Variants in LIN52 observed in about 807,000 individuals in gnomAD.
The protein encoded by LIN52 is protein lin-52 homolog.
A neutral mutation model predicts 18.5 loss-of-function variants in LIN52; 4 were observed. The ratio of observed to expected loss-of-function variants is 0.22; its 90% CI spans 0.11 to 0.49. The LOEUF (loss-of-function observed/expected upper bound fraction) is 0.49. Ranked by LOEUF, LIN52 falls within the 20% of genes least tolerant of loss-of-function variation. LIN52 has a pLI of 0.97. For missense variants in LIN52, 102 were observed against 139.5 expected, an observed-to-expected ratio of 0.73 and a Z score of 1.35; for synonymous variants, 34 against 45.5, an observed-to-expected ratio of 0.75 and a Z score of 1.02.
chr14:74,198,179 C>G (rs1259578426), intron 5 of LIN52, among the ~76,000 whole-genome samples: 1 of 152,206 alleles, frequency 6.6e-6, no homozygotes, highest in Non-Finnish European at 1.5e-5. Context: ...TGGGAGACCT[C>G]TGGAGTAGCC....
intron 5 of LIN52, among the ~76,000 whole-genome samples, chr14:74,111,883 C>CT (rs869141601): frequency 3.6e-5 from 5 of 137,846 alleles, no homozygotes; most frequent in East Asian, 4.1e-4. Context: ...TTCTTTTTTT[C>CT]TTTTTTTTTG....
At chr14:74,131,776 T>C (rs948798785) in intron 5 of LIN52, among the ~76,000 whole-genome samples, 2 of 152,242 alleles carry the variant, frequency 1.3e-5, no homozygotes, top group East Asian at 3.8e-4. Context: ...TCCTTGTCTG[T>C]TTTTCTGTTG....
intron 5 of LIN52, among the ~76,000 whole-genome samples, chr14:74,139,362 G>C (rs1345431975): frequency 6.6e-6 from 1 of 152,182 alleles, no homozygotes; most frequent in African/African-American, 2.4e-5. Flanking sequence ...AGAGCAGTGG[G>C]GTCAGTAGAA....
chr14:74,195,887 TG>T (rs1300392042), intron 5 of LIN52, among the ~76,000 whole-genome samples: 1 of 152,158 alleles, frequency 6.6e-6, no homozygotes, highest in Non-Finnish European at 1.5e-5. Context: ...TAATCAGAAA[TG>T]TTAACATCTC....
At chr14:74,095,914 T>G (rs766137979) in intron 2 of LIN52, 34 bp from the exon 3 acceptor site, 1 of 1,469,098 alleles carries the variant, frequency 6.8e-7, no homozygotes, top group Non-Finnish European at 9.5e-7. Flanking sequence ...CAATCATACT[T>G]ATTGAATAAA....
At chr14:74,178,151 A>T (rs1048619671) in intron 5 of LIN52, among the ~76,000 whole-genome samples, 2 of 152,222 alleles carry the variant, frequency 1.3e-5, no homozygotes, top group Admixed American at 6.5e-5. Context: ...TGCGAGAAAG[A>T]ATCTATACAC....
intron 5 of LIN52, among the ~76,000 whole-genome samples, chr14:74,153,527 T>G (rs1373991043): frequency 6.6e-6 from 1 of 151,894 alleles, no homozygotes; most frequent in Non-Finnish European, 1.5e-5. Context: ...ATTCCAAAAA[T>G]ATTGTTTTTA....
At chr14:74,089,041 T>A (rs186609802) in intron 1 of LIN52, among the ~76,000 whole-genome samples, 44 of 152,274 alleles carry the variant, frequency 2.9e-4, no homozygotes, top group African/African-American at 1.0e-3. Context: ...AAATCAATTC[T>A]GGCCTCTTTA....
chr14:74,099,763 C>T (rs1247911452), intron 4 of LIN52, among the ~76,000 whole-genome samples: 1 of 152,014 alleles, frequency 6.6e-6, no homozygotes, highest in Non-Finnish European at 1.5e-5. Context: ...GGAGTCAAAG[C>T]TGTCCTCTTG....
At position 74,199,030 on chromosome 14, in the gene LIN52, G is replaced by A. The variant is rs1346314202; in HGVS notation, c.*53G>A. The A allele has an allele frequency of 2.3e-6, 3 of 1,294,110 alleles. No homozygotes were observed. Among genetic ancestry groups the A allele is most frequent in the Non-Finnish European group, 3.4e-6 (3 of 891,416 alleles). The allele number at this position is 1,294,110 out of a possible 1,614,324, so 80.2% of individuals were successfully genotyped here. On this transcript the variant is annotated 3_prime_UTR_variant, in exon 6 of 6. Coordinates refer to ENST00000555028, the MANE Select transcript of LIN52 (RefSeq NM_001024674.3). Reference sequence around the variant, plus strand: ...GGTCCGAAACCAAGCTCCCTTCCCGGTGCACCTCTAACAATGCACACCTCA... The same window carrying A: ...GGTCCGAAACCAAGCTCCCTTCCCGATGCACCTCTAACAATGCACACCTCA...
At chr14:74,126,229 G>C (rs1887628092) in intron 5 of LIN52, among the ~76,000 whole-genome samples, 2 of 152,050 alleles carry the variant, frequency 1.3e-5, no homozygotes, top group African/African-American at 4.8e-5. Flanking sequence ...AACAAAAACA[G>C]AAAGTAACAG....
At chr14:74,194,760 G>T (rs756688680) in intron 5 of LIN52, among the ~76,000 whole-genome samples, 19 of 152,222 alleles carry the variant, frequency 1.2e-4, no homozygotes, top group Non-Finnish European at 2.2e-4. Flanking sequence ...CTGATGACCA[G>T]TGGGCCCCTC....
At chr14:74,168,235 A>G (rs763700065) in intron 5 of LIN52, among the ~76,000 whole-genome samples, 12 of 152,260 alleles carry the variant, frequency 7.9e-5, no homozygotes, top group Non-Finnish European at 1.5e-4. Flanking sequence ...GCCAGTGTCC[A>G]TCTTGAATTG....
intron 5 of LIN52, among the ~76,000 whole-genome samples, chr14:74,106,780 T>C (rs1030316261): frequency 1.3e-5 from 2 of 151,976 alleles, no homozygotes; most frequent in Non-Finnish European, 2.9e-5. Context: ...TTAGCAGAGA[T>C]GGGGTTTCAC....
intron 5 of LIN52, among the ~76,000 whole-genome samples, chr14:74,117,558 G>A (rs2060972599): frequency 6.6e-6 from 1 of 152,058 alleles, no homozygotes; most frequent in Non-Finnish European, 1.5e-5. Flanking sequence ...AGTGTTCATA[G>A]GAGTTCAGTT....
intron 3 of LIN52, among the ~76,000 whole-genome samples, chr14:74,096,367 A>AT (rs796368541): frequency 7.9e-5 from 12 of 151,790 alleles, no homozygotes; most frequent in African/African-American, 2.9e-4. Context: ...GCCTTTTAAA[A>AT]TTTTTTGTGG....
rs1235906872 is a variant in LIN52 at position 74,201,020 on chromosome 14, A to G, written c.*2043A>G. On this transcript the variant is annotated 3_prime_UTR_variant, in exon 6 of 6. Transcript: ENST00000555028. ...GCTTTGTCCTCTTTCTTTTACCGTC[A>G]TCCTATTCACCAGCACTTAATGTAA... is the stretch of plus-strand genomic sequence containing the variant. 3 of 152,218 alleles carry G rather than the reference A, an allele frequency of 2.0e-5. No homozygotes were observed. The highest frequency in any genetic ancestry group is 6.5e-5 in the Admixed American group (1 of 15,272). 9.4% of individuals were successfully genotyped at this position (152,218 alleles called of 1,614,324 possible). A position where few individuals can be genotyped will look rare whatever the true frequency, so the allele number is the denominator to read the frequency against.
rs2060894671 is a variant in LIN52 at position 74,105,915 on chromosome 14, C to T, written c.283+4677C>T. Among the ~76,000 whole-genome samples, 3 of 152,270 alleles carry T rather than the reference C, an allele frequency of 2.0e-5. No individual in the cohort carries two copies. In the South Asian group the frequency reaches 6.2e-4, roughly 32 times the overall value. On this transcript the variant is annotated intron_variant, in intron 5 of 5. Coordinates refer to ENST00000555028, the MANE Select transcript of LIN52 (RefSeq NM_001024674.3). ...AGGGCTGATAGTAACTAGGTTGTGT[C>T]TTTTGGAAGATGAGTGCTACCCTTT...
chr14:74,146,222 G>A (rs191465195), intron 5 of LIN52, among the ~76,000 whole-genome samples: 108 of 152,230 alleles, frequency 7.1e-4, no homozygotes, highest in Non-Finnish European at 1.3e-3. Context: ...GAACATGTTT[G>A]ATAAAAGCTG....
Sources: allele counts gnomAD v4.1 joint callset (sites outside exome capture counted in the v4.1 genomes callset), GRCh38; gene constraint gnomAD v4.1.1; transcripts MANE v1.5; gene names NCBI Gene and HGNC (gene_info 2026-07-23, HGNC 2026-07-21).